Variants in FCHSD2 observed in about 807,000 individuals in gnomAD.
FCHSD2 encodes FCH and double SH3 domains 2.
Under a neutral mutation model 108.1 loss-of-function variants are expected in FCHSD2, and 38 were observed. That is an observed-to-expected ratio of 0.35 (90% CI 0.27 to 0.46). The LOEUF is 0.46. Ranked by LOEUF, FCHSD2 falls within the 20% of genes least tolerant of loss-of-function variation. The pLI is 1.00. For synonymous variants in FCHSD2, 279 were observed against 314.7 expected (o/e 0.89, Z 1.20); for missense variants, 751 against 897.8 (o/e 0.84, Z 2.09).
chr11:72,913,301 G>A (rs1405077442), intron 9 of FCHSD2, among the ~76,000 whole-genome samples: 2 of 152,086 alleles, frequency 1.3e-5, no homozygotes, highest in African/African-American at 4.8e-5. Flanking sequence ...CAGAGTCTCA[G>A]TCTGTTGCCC....
intron 14 of FCHSD2, among the ~76,000 whole-genome samples, chr11:72,846,377 TCAC>T (rs1264750160): frequency 6.6e-6 from 1 of 152,110 alleles, no homozygotes; most frequent in Non-Finnish European, 1.5e-5. Flanking sequence ...AGACGGGGTT[TCAC>T]CATGTTGGTC....
chr11:72,890,507 C>T (rs567954294), intron 10 of FCHSD2, among the ~76,000 whole-genome samples: 11 of 152,252 alleles, frequency 7.2e-5, no homozygotes, highest in African/African-American at 1.9e-4. Flanking sequence ...TTTCTCCAGG[C>T]TTCATATGAA....
chr11:73,140,614 T>C (rs1861223360), intron 1 of FCHSD2, among the ~76,000 whole-genome samples: 1 of 152,226 alleles, frequency 6.6e-6, no homozygotes, highest in Non-Finnish European at 1.5e-5. Context: ...CCATAATGGC[T>C]GCGAAAAAGC....
At chr11:72,909,200 C>CTGGTTTTTGTATTTT (rs1299044046) in intron 9 of FCHSD2, among the ~76,000 whole-genome samples, 4 of 151,946 alleles carry the variant, frequency 2.6e-5, no homozygotes, top group Non-Finnish European at 5.9e-5. Context: ...CCACGCCTGA[C>CTGGTTTTTGTATTTT]TGGTTTTTGT....
intron 2 of FCHSD2, among the ~76,000 whole-genome samples, chr11:73,097,702 A>G (rs1195185953): frequency 2.1e-5 from 3 of 140,708 alleles, no homozygotes; most frequent in Admixed American, 7.2e-5. Flanking sequence ...CAGTTTTAGT[A>G]ATTTGTGTGT....
chr11:72,840,484 T>G (rs1035404760), intron 19 of FCHSD2, among the ~76,000 whole-genome samples: 1 of 152,208 alleles, frequency 6.6e-6, no homozygotes, highest in Non-Finnish European at 1.5e-5. Flanking sequence ...TAAACGCTCT[T>G]TAAGGCCATG....
At chr11:73,080,296 CAAAAAAAAAAAAAA>C (rs370633105) in intron 3 of FCHSD2, among the ~76,000 whole-genome samples, 1 of 52,274 alleles carries the variant, frequency 1.9e-5, no homozygotes, top group Admixed American at 2.2e-4. Context: ...GACCCTGTCT[CAAAAAAAAAAAAAA>C]AAAAAAAAAG....
chr11:72,948,233 C>T (rs1166748090), intron 8 of FCHSD2, among the ~76,000 whole-genome samples: 1 of 152,172 alleles, frequency 6.6e-6, no homozygotes, highest in Non-Finnish European at 1.5e-5. Context: ...GTCTTGAACT[C>T]CTGGACTCAA....
At chr11:72,894,464 C>T (rs1414619640) in intron 10 of FCHSD2, among the ~76,000 whole-genome samples, 1 of 152,104 alleles carries the variant, frequency 6.6e-6, no homozygotes, top group Non-Finnish European at 1.5e-5. Context: ...TCAAGGCTGC[C>T]AGGAGCTATG....
At chr11:73,101,740 CCGAAAAAAACACAA>C (rs1860231826) in intron 2 of FCHSD2, among the ~76,000 whole-genome samples, 1 of 151,644 alleles carries the variant, frequency 6.6e-6, no homozygotes, top group South Asian at 2.1e-4. Context: ...CCCCCCGCCC[CCGAAAAAAACACAA>C]CACAACAAAG....
At chr11:72,879,255 G>A (rs1855031033) in intron 12 of FCHSD2, among the ~76,000 whole-genome samples, 2 of 152,162 alleles carry the variant, frequency 1.3e-5, no homozygotes, top group African/African-American at 4.8e-5. Context: ...AAGCTTAAAA[G>A]CAAGCTTCGA....
intron 10 of FCHSD2, 50 bp downstream of exon 10, chr11:72,902,493 C>T (rs1346232702): frequency 2.3e-6 from 3 of 1,289,564 alleles, no homozygotes; most frequent in East Asian, 5.0e-5. Flanking sequence ...GTTACTTAAG[C>T]ACAAACACAA....
At chr11:73,022,678 T>C (rs949541362) in intron 3 of FCHSD2, among the ~76,000 whole-genome samples, 6 of 152,152 alleles carry the variant, frequency 3.9e-5, no homozygotes, top group Non-Finnish European at 7.4e-5. Context: ...ATATGATCTA[T>C]ACATTCAAGG....
intron 8 of FCHSD2, among the ~76,000 whole-genome samples, chr11:72,957,305 T>C (rs1039983514): frequency 2.7e-5 from 4 of 150,350 alleles, no homozygotes; most frequent in Non-Finnish European, 4.4e-5. Context: ...GTTCTTGCGA[T>C]AGTTTACTGA....
rs776332559 is a variant in FCHSD2, at chr11:72,989,023, T to C, written c.462A>G (p.Lys154=). The C allele has an allele frequency of 6.8e-6, 11 of 1,612,002 alleles. No individual in the cohort carries two copies. The South Asian group carries it at 1.2e-4, about 18-fold the overall frequency. The change falls in exon 6 of 20, where the codon AAA becomes AAG. Residue 154 remains lysine (K), a synonymous_variant. Transcript: ENST00000409418. ...TVKDLAKGKK[K]YFETEQMAHA... is the part of the protein sequence containing the mutation. ...GAGCCATCTGTTCAGTCTCAAAGTA[T>C]TTCTTTTTGCCTTTAGCTAAATCTT...
intron 9 of FCHSD2, among the ~76,000 whole-genome samples, chr11:72,912,349 A>G (rs907248251): frequency 6.6e-6 from 1 of 152,224 alleles, no homozygotes; most frequent in South Asian, 2.1e-4. Context: ...GGGTTTTATC[A>G]TAAGGGGAGG....
chr11:73,104,723 C>T (rs1260860841), intron 2 of FCHSD2, among the ~76,000 whole-genome samples: 2 of 152,014 alleles, frequency 1.3e-5, no homozygotes, highest in Non-Finnish European at 2.9e-5. Context: ...CACGTGCCAC[C>T]GCACCCGGCT....
intron 3 of FCHSD2, among the ~76,000 whole-genome samples, chr11:73,019,882 G>A (rs931195043): frequency 2.6e-5 from 4 of 151,958 alleles, no homozygotes; most frequent in African/African-American, 4.8e-5. Flanking sequence ...ATTTGCTAAG[G>A]AAAATAAACC....
At chr11:72,855,197 T>C (rs1165302916) in intron 13 of FCHSD2, among the ~76,000 whole-genome samples, 1 of 151,414 alleles carries the variant, frequency 6.6e-6, no homozygotes, top group Non-Finnish European at 1.5e-5. Context: ...CGCTTGAACC[T>C]GGGAGGCGGA....
Sources: allele counts gnomAD v4.1 joint callset (sites outside exome capture counted in the v4.1 genomes callset), GRCh38; gene constraint gnomAD v4.1.1; transcripts MANE v1.5; gene names NCBI Gene and HGNC (gene_info 2026-07-23, HGNC 2026-07-21).